The following WIPI2 variants were observed in gnomAD, a reference collection of about 807,000 sequenced individuals.
The protein encoded by WIPI2 is WD repeat domain, phosphoinositide interacting 2, also known as WD repeat domain phosphoinositide-interacting protein 2.
WIPI2 carries 28 observed loss-of-function variants against 52.3 expected under a neutral mutation model. The observed-to-expected ratio is 0.54, with a 90% confidence interval of 0.40 to 0.73. The LOEUF is 0.73. Ranked by LOEUF, WIPI2 falls within the 30% of genes least tolerant of loss-of-function variation. The pLI is 0.00. For missense variants in WIPI2, 506 were observed against 602.9 expected (o/e 0.84, Z 1.68); for synonymous variants, 268 against 245.0 (o/e 1.09, Z -0.88).
At chr7:5,226,234 C>G (rs151278417) in intron 9 of WIPI2, 5 of 335,330 alleles carry the variant, frequency 1.5e-5, no homozygotes, top group African/African-American at 4.2e-5. Flanking sequence ...GTTCCCCTCA[C>G]GACAAAAGCG....
intron 7 of WIPI2, 21 bp from the exon 8 acceptor site, chr7:5,222,580 CT>C: frequency 6.2e-7 from 1 of 1,610,456 alleles, no homozygotes; most frequent in Non-Finnish European, 8.5e-7. Context: ...TCAAATTCTT[CT>C]TTTCTCTTTT....
intron 3 of WIPI2, among the ~76,000 whole-genome samples, chr7:5,201,993 G>A (rs1330311891): frequency 6.6e-6 from 1 of 151,874 alleles, no homozygotes; most frequent in African/African-American, 2.4e-5. Flanking sequence ...AAACAGGTTA[G>A]CTACTAAGTG....
At chr7:5,194,746 G>A (rs1278470319) in intron 2 of WIPI2, among the ~76,000 whole-genome samples, 1 of 152,086 alleles carries the variant, frequency 6.6e-6, no homozygotes, top group Admixed American at 6.6e-5. Flanking sequence ...GATTGCAGAC[G>A]CAAGCCACCA....
chr7:5,227,576 G>A lies in WIPI2; in HGVS notation c.1013+232G>A, dbSNP rs28477618. On this transcript the variant is annotated intron_variant, in intron 10 of 12. Coordinates refer to ENST00000288828, the MANE Select transcript of WIPI2 (RefSeq NM_015610.4). This position sits in a 1 kb window ranked among gnomAD's most constrained non-coding sequence, Gnocchi z 8.1. The stretch of plus-strand genomic sequence containing the variant: ...CGTTCTGTTTTTGTGGATAGTCTGC[G>A]GTATTAATGAAAGACGTTAAGTCAA... Among the ~76,000 whole-genome samples, 4,865 of 152,284 alleles carry A rather than the reference G, an allele frequency of 0.032. 101 individuals carry two copies. The highest frequency in any genetic ancestry group is 0.092 in the Middle Eastern group (27 of 294).
intron 3 of WIPI2, among the ~76,000 whole-genome samples, chr7:5,209,034 T>G (rs1583561050): frequency 8.8e-6 from 1 of 113,156 alleles, no homozygotes; most frequent in African/African-American, 3.3e-5. Context: ...TTTTTTTTTT[T>G]GGTATGGAGG....
rs985529202 is a variant in WIPI2 at position 5,232,876 on chromosome 7, A to T, written c.*1929A>T. 6.6e-6 allele frequency: 1 copy of T among 152,386 alleles called. No homozygotes were observed. Among genetic ancestry groups the T allele is most frequent in the Non-Finnish European group, 1.5e-5 (1 of 68,148 alleles). The allele number at this position is 152,386 out of a possible 1,614,324, so 9.4% of individuals were successfully genotyped here. On this transcript the variant is annotated 3_prime_UTR_variant, in exon 13 of 13. Coordinates refer to ENST00000288828, the MANE Select transcript of WIPI2 (RefSeq NM_015610.4). ...CCTGTGGTGGTGATTTGGAGACTCA[A>T]ATTTCCTTTGCCAGGTCTCTTTTGT... is the stretch of plus-strand genomic sequence containing the variant.
intron 11 of WIPI2, 88 bp downstream of exon 11, chr7:5,228,299 C>T: frequency 1.6e-6 from 2 of 1,249,368 alleles, no homozygotes; most frequent in Non-Finnish European, 2.2e-6. Flanking sequence ...TATTTCCTTG[C>T]AAACCAGTGA....
intron 8 of WIPI2, chr7:5,222,907 G>A (rs1229714297): frequency 4.5e-6 from 2 of 448,472 alleles, no homozygotes; most frequent in East Asian, 4.5e-5. Flanking sequence ...TGAGAGTTGT[G>A]AAGAGCTCAC....
chr7:5,232,160 A>G lies in WIPI2; in HGVS notation c.*1213A>G. 1 of 398,916 alleles carries G rather than the reference A, an allele frequency of 2.5e-6. No homozygotes were observed. Among genetic ancestry groups the G allele is most frequent in the Non-Finnish European group, 4.4e-6 (1 of 226,080 alleles). The allele number at this position is 398,916 out of a possible 1,614,324, so 24.7% of individuals were successfully genotyped here. On this transcript the variant is annotated 3_prime_UTR_variant, in exon 13 of 13. Coordinates refer to ENST00000288828, the MANE Select transcript of WIPI2 (RefSeq NM_015610.4). ...CATTAATGGCAGGAGAGATGGTTTT[A>G]GAATCTATGGAGTGGTGGAAGTTAC...
At chr7:5,208,802 T>A (rs1027949171) in intron 3 of WIPI2, among the ~76,000 whole-genome samples, 2 of 152,182 alleles carry the variant, frequency 1.3e-5, no homozygotes, top group African/African-American at 4.8e-5. Flanking sequence ...TTTTTCAGGA[T>A]AGCTTTGCAT....
At position 5,210,544 on chromosome 7, in the gene WIPI2, C is replaced by T. The variant is rs1411108818; in HGVS notation, c.212-3991C>T. Among the ~76,000 whole-genome samples the T allele has an allele frequency of 2.6e-5, 4 of 152,356 alleles. No homozygotes were observed. In the East Asian group the frequency reaches 5.8e-4, roughly 22 times the overall value. On this transcript the variant is annotated intron_variant, in intron 3 of 12. Coordinates refer to ENST00000288828, the MANE Select transcript of WIPI2 (RefSeq NM_015610.4). Reference sequence around the variant, plus strand: ...GCCCACATCTCTTTGGCCTCCTCTCCGTGATGGCAGGCACTGCCCTGTTTA... The same window carrying T: ...GCCCACATCTCTTTGGCCTCCTCTCTGTGATGGCAGGCACTGCCCTGTTTA...
intron 3 of WIPI2, among the ~76,000 whole-genome samples, chr7:5,212,820 A>T (rs1031864197): frequency 1.3e-5 from 2 of 152,196 alleles, no homozygotes; most frequent in Non-Finnish European, 2.9e-5. Flanking sequence ...ATCTGGCCCC[A>T]GCCCTCTTTC....
At chr7:5,216,379 C>CTA in intron 4 of WIPI2, 184 bp from the exon 5 acceptor site, 3 of 449,648 alleles carry the variant, frequency 6.7e-6, no homozygotes, top group Non-Finnish European at 8.1e-6. Context: ...TTGCAGTGAG[C>CTA]CGAGATCACA....
intron 3 of WIPI2, among the ~76,000 whole-genome samples, chr7:5,204,626 C>T (rs186761086): frequency 3.9e-5 from 6 of 151,996 alleles, no homozygotes; most frequent in East Asian, 3.9e-4. Context: ...AGATTTGGTC[C>T]GTAGAACTTA....
intron 6 of WIPI2, chr7:5,217,637 C>G (rs1374286751): frequency 2.2e-6 from 1 of 452,712 alleles, no homozygotes; most frequent in South Asian, 2.2e-5. Flanking sequence ...CTGGCTCATT[C>G]TGCTTCTGGA....
Position 5,231,260 on chromosome 7 carries a change from G to C in WIPI2, c.*313G>C, listed in dbSNP as rs1459608974. 4.0e-6 allele frequency: 1 copy of C among 250,152 alleles called. No individual in the cohort carries two copies. Among genetic ancestry groups the C allele is most frequent in the East Asian group, 8.4e-5 (1 of 11,908 alleles). The allele number at this position is 250,152 out of a possible 1,614,324, so 15.5% of individuals were successfully genotyped here. A position where few individuals can be genotyped will look rare whatever the true frequency, so the allele number is the denominator to read the frequency against. On this transcript the variant is annotated 3_prime_UTR_variant, in exon 13 of 13. Coordinates refer to ENST00000288828, the MANE Select transcript of WIPI2 (RefSeq NM_015610.4). ...TTGCATGCATGAACGTGCCAAGCCAGCATAGGGGAGCTAGAAGCCACTTTC... is the reference window on the plus strand; with the variant it reads ...TTGCATGCATGAACGTGCCAAGCCACCATAGGGGAGCTAGAAGCCACTTTC...
chr7:5,214,450 AGGTGTTTGTTTTTGAGCG>A, intron 3 of WIPI2, 67 bp from the exon 4 acceptor site: 3 of 1,613,380 alleles, frequency 1.9e-6, no homozygotes, highest in Non-Finnish European at 1.7e-6. Flanking sequence ...TCGCCCAGGC[AGGTGTTTGTTTTTGAGCG>A]CAGATTCTGC....
intron 1 of WIPI2, among the ~76,000 whole-genome samples, chr7:5,192,768 A>G (rs1403272426): frequency 1.3e-5 from 2 of 152,206 alleles, no homozygotes; most frequent in Non-Finnish European, 2.9e-5. Flanking sequence ...GAGAGCTTTT[A>G]TGGCTTATAC....
At chr7:5,210,391 A>G (rs1298480749) in intron 3 of WIPI2, among the ~76,000 whole-genome samples, 5 of 152,242 alleles carry the variant, frequency 3.3e-5, no homozygotes, top group African/African-American at 1.2e-4. Flanking sequence ...TGCTGGGCAC[A>G]GTTACCTGCT....
Sources: gnomAD v4.1 joint callset for allele counts (sites outside exome capture counted in the v4.1 genomes callset) on GRCh38, gnomAD v4.1.1 for gene constraint, Gnocchi (gnomAD v3.1) non-coding constraint, MANE v1.5 for transcripts, NCBI Gene and HGNC (gene_info 2026-07-23, HGNC 2026-07-21) for gene names.